The following MYO10 variants were observed in gnomAD, a reference collection of about 807,000 sequenced individuals.
The protein encoded by MYO10 is myosin X, also known as unconventional myosin-X.
A neutral mutation model predicts 257.3 loss-of-function variants in MYO10; 133 were observed. That is an observed-to-expected ratio of 0.52 (90% CI 0.45 to 0.60). MYO10 has a LOEUF of 0.60. MYO10 is among the 20% of genes least tolerant of loss of function. The pLI is 0.00. For missense variants in MYO10, 2,399 were observed against 2,635.7 expected (o/e 0.91, Z 1.97); for synonymous variants, 1,104 against 1,028.6 (o/e 1.07, Z -1.40).
chr5:16,709,071 G>A (rs974857646), intron 21 of MYO10, among the ~76,000 whole-genome samples: 7 of 152,188 alleles, frequency 4.6e-5, no homozygotes, highest in African/African-American at 1.4e-4. Flanking sequence ...CTGGGTGATC[G>A]TAGAGAAGCC....
rs143363676 is a variant in MYO10, at chr5:16,791,007, G to A, written c.467+3639C>T. Among the ~76,000 whole-genome samples, 805 of 152,046 alleles carry A rather than the reference G, an allele frequency of 5.3e-3. 8 individuals carry two copies. Among genetic ancestry groups the A allele is most frequent in the African/African-American group, 0.018 (765 of 41,500 alleles). ...GCAAAATTAAAACTAGACCTTAAGA[G>A]AGGCAACAACCTTGAAAATGAAATC... On this transcript the variant is annotated intron_variant, in intron 4 of 40. Transcript: ENST00000513610.
chr5:16,707,396 A>G (rs1738394790), intron 21 of MYO10, among the ~76,000 whole-genome samples: 1 of 152,240 alleles, frequency 6.6e-6, no homozygotes, highest in African/African-American at 2.4e-5. Flanking sequence ...CAGGCACCAA[A>G]GCAGCTGAGC....
chr5:16,774,851 A>G (rs929079336), intron 9 of MYO10, among the ~76,000 whole-genome samples: 2 of 152,234 alleles, frequency 1.3e-5, no homozygotes, highest in Non-Finnish European at 2.9e-5. Flanking sequence ...GAAAGTAAAA[A>G]GTTGGTCCTT....
chr5:16,780,437 T>C, intron 8 of MYO10, 87 bp downstream of exon 8: 1 of 1,239,690 alleles, frequency 8.1e-7, no homozygotes, highest in Non-Finnish European at 1.2e-6. Flanking sequence ...ATGTCAACAT[T>C]AAAACAGATG....
intron 30 of MYO10, 112 bp from the exon 31 acceptor site, chr5:16,682,125 C>A: frequency 1.6e-6 from 2 of 1,225,424 alleles, no homozygotes; most frequent in Non-Finnish European, 2.2e-6. Flanking sequence ...ACGGGATATA[C>A]ACTGCTAGGC....
At chr5:16,731,943 T>C (rs10051970) in intron 19 of MYO10, among the ~76,000 whole-genome samples, 30,099 of 151,744 alleles carry the variant, frequency 0.2, 3,773 homozygotes, top group African/African-American at 0.35. Context: ...GAAGGCTGAG[T>C]GATAAACCAA....
In MYO10 at chr5:16,753,370, T is replaced by C. The variant is rs566469838; in HGVS notation, c.1929+1458A>G. Among the ~76,000 whole-genome samples, 12 of 152,240 alleles carry C rather than the reference T, an allele frequency of 7.9e-5. No homozygotes were observed. In the South Asian group the frequency reaches 2.1e-3, roughly 26 times the overall value. ...TTTTAGTAGAGACGTGGTTTCATCA[T>C]GTTAACCAGGATGGTCTCCATCTCC... On this transcript the variant is annotated intron_variant, in intron 19 of 40. Transcript: ENST00000513610.
intron 1 of MYO10, among the ~76,000 whole-genome samples, chr5:16,911,948 T>C (rs1161032897): frequency 2.6e-5 from 4 of 152,080 alleles, no homozygotes; most frequent in East Asian, 1.9e-4. Context: ...TGAGGCAGAA[T>C]TGCTTTAACC....
intron 23 of MYO10, 87 bp downstream of exon 23, chr5:16,702,838 C>A: frequency 1.6e-6 from 2 of 1,250,600 alleles, no homozygotes; most frequent in South Asian, 1.5e-5. Context: ...GGGGCATCTG[C>A]TGGGATTTCT....
intron 22 of MYO10, among the ~76,000 whole-genome samples, chr5:16,704,266 A>G (rs1245039293): frequency 6.6e-6 from 1 of 152,138 alleles, no homozygotes; most frequent in Non-Finnish European, 1.5e-5. Context: ...TCAAGGCTGC[A>G]ATAAGCCATG....
At chr5:16,702,849 GGCTGCACAGACA>G in intron 23 of MYO10, 64 bp downstream of exon 23, 1 of 1,322,400 alleles carries the variant, frequency 7.6e-7, no homozygotes, top group Non-Finnish European at 1.0e-6. Flanking sequence ...TGGGATTTCT[GGCTGCACAGACA>G]GATACCGAGC....
At chr5:16,879,636 C>A (rs953704729) in intron 1 of MYO10, among the ~76,000 whole-genome samples, 1 of 152,166 alleles carries the variant, frequency 6.6e-6, no homozygotes, top group Non-Finnish European at 1.5e-5. Flanking sequence ...ATTCCTAACC[C>A]CATGCTCTTC....
intron 33 of MYO10, among the ~76,000 whole-genome samples, chr5:16,679,157 C>T (rs886610529): frequency 1.3e-5 from 2 of 152,156 alleles, no homozygotes; most frequent in Admixed American, 6.5e-5. Flanking sequence ...GAGAGGGATG[C>T]CAAGTGTTCT....
chr5:16,779,716 G>A (rs1475629876), intron 8 of MYO10, 68 bp from the exon 9 acceptor site: 1 of 889,356 alleles, frequency 1.1e-6, no homozygotes, highest in African/African-American at 1.7e-5. Flanking sequence ...TTTTCACTCT[G>A]ACTTTTTAAA....
intron 1 of MYO10, among the ~76,000 whole-genome samples, chr5:16,921,378 C>T (rs1042713054): frequency 1.6e-4 from 25 of 152,054 alleles, no homozygotes; most frequent in Admixed American, 6.6e-4. Context: ...GGTCTGAGAA[C>T]GGGGACCAAT....
chr5:16,821,679 G>A (rs1327242281), intron 2 of MYO10, among the ~76,000 whole-genome samples: 1 of 151,594 alleles, frequency 6.6e-6, no homozygotes, highest in Non-Finnish European at 1.5e-5. Flanking sequence ...TGTTAGCCAG[G>A]ATGGTCTTGA....
intron 21 of MYO10, among the ~76,000 whole-genome samples, chr5:16,708,045 A>T (rs1444504773): frequency 6.6e-6 from 1 of 152,206 alleles, no homozygotes; most frequent in East Asian, 1.9e-4. Context: ...GCTATCCAAC[A>T]TGTAACTCAA....
At chr5:16,680,426 C>A (rs1736938725) in intron 32 of MYO10, among the ~76,000 whole-genome samples, 1 of 152,128 alleles carries the variant, frequency 6.6e-6, no homozygotes, top group Non-Finnish European at 1.5e-5. Flanking sequence ...GGCTCTGGAA[C>A]AGGAGTGAAA....
rs771237567 is a variant in MYO10 at position 16,670,551 on chromosome 5, T to G, written c.5858A>C (p.Tyr1953Ser). The G allele has an allele frequency of 6.2e-7, 1 of 1,612,530 alleles. No homozygotes were observed. Among genetic ancestry groups the G allele is most frequent in the East Asian group, 2.2e-5 (1 of 44,860 alleles). Reference sequence around the variant, plus strand: ...CTCCACATCAAACAGCGTCGAGCCATAGCCAGGCCACTCCTTGATCAAGGC... The same window carrying G: ...CTCCACATCAAACAGCGTCGAGCCAGAGCCAGGCCACTCCTTGATCAAGGC... ...YMALIKEWPG[Y>S]GSTLFDVECK... The change falls in exon 39 of 41, where the codon TAT becomes TCT. Residue 1953 changes from tyrosine (Y) to serine (S), a missense_variant. Around this residue, in one of 3 missense-constraint regions of MYO10, gnomAD observed 1,820 missense variants for 1,939.4 expected, o/e 0.94. Transcript: ENST00000513610.
Sources: allele counts gnomAD v4.1 joint callset (sites outside exome capture counted in the v4.1 genomes callset), GRCh38; gene constraint gnomAD v4.1.1; regional missense constraint gnomAD v4.1.1; transcripts MANE v1.5; gene names NCBI Gene and HGNC (gene_info 2026-07-23, HGNC 2026-07-21).